SRGAP3: variants seen among roughly 807,000 people sequenced by gnomAD.
SRGAP3 encodes the protein SLIT-ROBO Rho GTPase-activating protein 3.
SRGAP3 carries 39 observed loss-of-function variants against 121.1 expected under a neutral mutation model. That is an observed-to-expected ratio of 0.32 (90% CI 0.25 to 0.42). The LOEUF (loss-of-function observed/expected upper bound fraction) is 0.42, where lower values mean the gene tolerates loss of function less well. Among genes scored for constraint, SRGAP3 ranks in the 10% least tolerant of loss-of-function variants. The probability of loss-of-function intolerance (pLI) is 1.00; values close to 1 mark genes in which losing one functional copy is unlikely to be tolerated. For missense variants in SRGAP3, 1,213 were observed against 1,470.6 expected, an observed-to-expected ratio of 0.82 and a Z score of 2.86; for synonymous variants, 601 against 570.0, an observed-to-expected ratio of 1.05 and a Z score of -0.77.
At chr3:9,157,093 C>A (rs1383968620) in intron 1 of SRGAP3, among the ~76,000 whole-genome samples, 1 of 152,088 alleles carries the variant, frequency 6.6e-6, no homozygotes, top group Admixed American at 6.5e-5. Context: ...TCTCACACCG[C>A]TAAAAAGAAC....
intron 9 of SRGAP3, among the ~76,000 whole-genome samples, chr3:9,048,059 AGC>A (rs1267344583): frequency 6.6e-6 from 1 of 152,248 alleles, no homozygotes. Context: ...AGAAAAATGA[AGC>A]TTGCACCAGG....
At chr3:9,223,672 A>G in intron 1 of SRGAP3, among the ~76,000 whole-genome samples, 1 of 151,906 alleles carries the variant, frequency 6.6e-6, no homozygotes. Context: ...AACAAGAATC[A>G]CCCCTTCATC....
chr3:9,058,776 G>A (rs1474422933), intron 6 of SRGAP3: 5 of 347,238 alleles, frequency 1.4e-5, no homozygotes, highest in Admixed American at 4.6e-5. Flanking sequence ...CTGGAGTGCA[G>A]TGGCACGATC....
intron 9 of SRGAP3, chr3:9,049,406 C>T (rs1260991379): frequency 2.2e-6 from 1 of 455,992 alleles, no homozygotes; most frequent in Non-Finnish European, 4.4e-6. Flanking sequence ...AGTTTTCACA[C>T]ACGTACGTTT....
At chr3:9,045,247 T>C (rs1945206903) in intron 10 of SRGAP3, among the ~76,000 whole-genome samples, 1 of 151,316 alleles carries the variant, frequency 6.6e-6, no homozygotes, top group Non-Finnish European at 1.5e-5. Flanking sequence ...GAACCATCCA[T>C]TTGTCAAAGG....
chr3:9,015,392 T>TTCTCTACC (rs1441352980), intron 15 of SRGAP3, among the ~76,000 whole-genome samples: 3 of 152,202 alleles, frequency 2.0e-5, no homozygotes, highest in African/African-American at 7.2e-5. Flanking sequence ...TCTGAGCTCC[T>TTCTCTACC]TCTCTACCCA....
chr3:9,043,885 C>G (rs558228490), intron 10 of SRGAP3, among the ~76,000 whole-genome samples: 1 of 152,220 alleles, frequency 6.6e-6, no homozygotes, highest in African/African-American at 2.4e-5. Context: ...CCAACCGCAT[C>G]TTGAGTGTAA....
Position 9,058,423 on chromosome 3 carries a change from T to C in SRGAP3, c.851A>G (p.Tyr284Cys), listed in dbSNP as rs1381624055. Residue 284 changes from tyrosine (Y) to cysteine (C), a missense_variant, in exon 7 of 22, where the codon TAT becomes TGT. Transcript: ENST00000383836. Reference sequence around the variant, plus strand: ...CTCCAGGTTGTATTCAGCTGAGAGATAGGTCCGGAAGGTGCGGGCCAGGCT... The same window carrying C: ...CTCCAGGTTGTATTCAGCTGAGAGACAGGTCCGGAAGGTGCGGGCCAGGCT... Reference protein sequence around the residue: ...HASLARTFRTYLSAEYNLETS... With the variant: ...HASLARTFRTCLSAEYNLETS... The C allele has an allele frequency of 1.9e-6, 3 of 1,614,058 alleles. No individual in the cohort carries two copies. The African/African-American group carries it at 4.0e-5, about 22-fold the overall frequency.
chr3:9,207,264 C>A (rs754821229), intron 1 of SRGAP3, among the ~76,000 whole-genome samples: 6 of 152,308 alleles, frequency 3.9e-5, no homozygotes, highest in Non-Finnish European at 8.8e-5. Context: ...TTCCTGCAAG[C>A]CGGTTTTATA....
chr3:9,277,601 C>T (rs1954608270), intron 3 of SRGAP3, among the ~76,000 whole-genome samples: 1 of 115,066 alleles, frequency 8.7e-6, no homozygotes, highest in Admixed American at 9.5e-5. Flanking sequence ...GAGTGAGAAG[C>T]CATCTCAAAA....
chr3:9,056,579 G>C (rs1347885787), intron 7 of SRGAP3, among the ~76,000 whole-genome samples: 1 of 152,238 alleles, frequency 6.6e-6, no homozygotes, highest in Non-Finnish European at 1.5e-5. Context: ...TTTCAGTCAT[G>C]ATCTACATTT....
rs1943953747 is a variant in SRGAP3, at chr3:9,022,111, G to A, written c.1678+3150C>T. On this transcript the variant is annotated intron_variant, in intron 14 of 21. Transcript: ENST00000383836. ...TCGGAGGCTGAGGTGGGTGGATCAC[G>A]AGGTCAGGAGATGGAGACCATCCTG... 3.3e-5 allele frequency among the ~76,000 whole-genome samples: 5 copies of A among 152,252 alleles called. No homozygotes were observed. The South Asian group carries it at 1.0e-3, about 32-fold the overall frequency.
chr3:9,118,621 A>G (rs1268139269), intron 2 of SRGAP3, among the ~76,000 whole-genome samples: 1 of 152,190 alleles, frequency 6.6e-6, no homozygotes, highest in Non-Finnish European at 1.5e-5. Flanking sequence ...CCAGAAAAAC[A>G]TCAGACTGGC....
chr3:8,981,603 C>T lies in SRGAP3; in HGVS notation c.*3916G>A, dbSNP rs1292249571. ...GCCTCCTGAATGACAGAGAAATATACCCAACAAGGCACTCCAAGGGACTCC... is the reference window on the plus strand; with the variant it reads ...GCCTCCTGAATGACAGAGAAATATATCCAACAAGGCACTCCAAGGGACTCC... On this transcript the variant is annotated 3_prime_UTR_variant, in exon 22 of 22. Transcript: ENST00000383836. 1.3e-5 allele frequency: 3 copies of T among 232,706 alleles called. No individual in the cohort carries two copies. Among genetic ancestry groups the T allele is most frequent in the Non-Finnish European group, 2.6e-5 (3 of 117,490 alleles). 14.4% of individuals were successfully genotyped at this position (232,706 alleles called of 1,614,324 possible). A position where few individuals can be genotyped will look rare whatever the true frequency, so the allele number is the denominator to read the frequency against.
At position 9,059,806 on chromosome 3, in the gene SRGAP3, T is replaced by C. The variant is rs1232279114; in HGVS notation, c.801+425A>G. Reference sequence around the variant, plus strand: ...CTCATTCGCTACTTTCTTTCGCATGTACACGTGTCTGGCTGAGTGGCCCTA... The same window carrying C: ...CTCATTCGCTACTTTCTTTCGCATGCACACGTGTCTGGCTGAGTGGCCCTA... On this transcript the variant is annotated intron_variant, in intron 6 of 21. Transcript: ENST00000383836. The C allele has an allele frequency of 1.7e-5, 5 of 295,116 alleles. No individual in the cohort carries two copies. The East Asian group carries it at 4.2e-4, about 25-fold the overall frequency. 18.3% of individuals were successfully genotyped at this position (295,116 alleles called of 1,614,324 possible). A position where few individuals can be genotyped will look rare whatever the true frequency, so the allele number is the denominator to read the frequency against.
At chr3:9,226,185 C>G (rs1044667649) in intron 1 of SRGAP3, among the ~76,000 whole-genome samples, 1 of 152,226 alleles carries the variant, frequency 6.6e-6, no homozygotes, top group Non-Finnish European at 1.5e-5. Context: ...GCAGTGATAT[C>G]TTTTGCCCAC....
chr3:9,345,031 G>A (rs1224535659), intron 1 of SRGAP3, among the ~76,000 whole-genome samples: 3 of 150,728 alleles, frequency 2.0e-5, no homozygotes, highest in East Asian at 2.0e-4. Context: ...GCGAGACTCC[G>A]TCTCAAAAAA....
intron 2 of SRGAP3, among the ~76,000 whole-genome samples, chr3:9,107,261 G>A (rs775204748): frequency 6.3e-4 from 96 of 152,226 alleles, no homozygotes; most frequent in Non-Finnish European, 9.6e-4. Flanking sequence ...AAAGGTGGCC[G>A]TGATGCACAC....
chr3:9,299,407 T>C (rs1382649327), intron 3 of SRGAP3, among the ~76,000 whole-genome samples: 1 of 149,320 alleles, frequency 6.7e-6, no homozygotes, highest in Non-Finnish European at 1.5e-5. Context: ...TTCAAGATAG[T>C]AGACATCCAG....
Sources: gnomAD v4.1 joint callset for allele counts (sites outside exome capture counted in the v4.1 genomes callset) on GRCh38, gnomAD v4.1.1 for gene constraint, MANE v1.5 for transcripts, NCBI Gene and HGNC (gene_info 2026-07-23, HGNC 2026-07-21) for gene names.